The following FOXN3 variants were observed in gnomAD, a reference collection of about 807,000 sequenced individuals.
FOXN3 encodes forkhead box N3.
In FOXN3, 7 loss-of-function variants were observed where a neutral mutation model predicts 38.4. That is an observed-to-expected ratio of 0.18 (90% CI 0.10 to 0.34). FOXN3 has a LOEUF of 0.34. FOXN3 is among the 10% of genes least tolerant of loss of function. The pLI is 1.00. For missense variants in FOXN3, 456 were observed against 613.4 expected, an observed-to-expected ratio of 0.74 and a Z score of 2.71; for synonymous variants, 230 against 242.2, an observed-to-expected ratio of 0.95 and a Z score of 0.47.
In FOXN3 at chr14:89,216,847, G is replaced by A. The variant is rs140403858; in HGVS notation, c.746-36041C>T. Among the ~76,000 whole-genome samples the A allele has an allele frequency of 3.8e-3, 582 of 152,200 alleles. 3 individuals carry two copies. The highest frequency in any genetic ancestry group is 0.013 in the African/African-American group (528 of 41,526). On this transcript the variant is annotated intron_variant, in intron 4 of 5. Coordinates refer to ENST00000557258, the MANE Select transcript of FOXN3 (RefSeq NM_005197.4). ...CACAATCCTCATTGTTCCCTGCTGCGTGTGGCTGTCATCAAAACCTTCCAC... is the reference window on the plus strand; with the variant it reads ...CACAATCCTCATTGTTCCCTGCTGCATGTGGCTGTCATCAAAACCTTCCAC...
intron 4 of FOXN3, among the ~76,000 whole-genome samples, chr14:89,221,962 A>G (rs1218991217): frequency 6.6e-6 from 1 of 152,030 alleles, no homozygotes; most frequent in Non-Finnish European, 1.5e-5. Flanking sequence ...AGCTGGGACT[A>G]CAGGCGCCCG....
chr14:89,378,448 C>A (rs977175633), intron 2 of FOXN3, among the ~76,000 whole-genome samples: 3 of 152,198 alleles, frequency 2.0e-5, no homozygotes, highest in African/African-American at 7.2e-5. Flanking sequence ...ATGCTTAAAA[C>A]GCCCAAGTCT....
At chr14:89,374,803 C>A (rs1348162247) in intron 2 of FOXN3, among the ~76,000 whole-genome samples, 1 of 151,336 alleles carries the variant, frequency 6.6e-6, no homozygotes, top group Non-Finnish European at 1.5e-5. Context: ...AACCCCATGT[C>A]TACTATAAAT....
rs112139394 is a variant in FOXN3 at position 89,355,519 on chromosome 14, G to A, written c.544-4711C>T. 9.9e-3 allele frequency among the ~76,000 whole-genome samples: 1,503 copies of A among 152,232 alleles called. 21 individuals carry two copies. The highest frequency in any genetic ancestry group is 0.034 in the African/African-American group (1,431 of 41,520). ...CCCAAAGTGCTGGAAATACAGGCAT[G>A]AGCCACTACGCCCAGCCTATACTTT... On this transcript the variant is annotated intron_variant, in intron 2 of 5. Transcript: ENST00000557258.
intron 3 of FOXN3, among the ~76,000 whole-genome samples, chr14:89,304,944 T>TAAA (rs200830937): frequency 1.1e-4 from 15 of 133,596 alleles, no homozygotes; most frequent in African/African-American, 1.9e-4. Flanking sequence ...TGTAGTTTCT[T>TAAA]AAAAAAAAAA....
At chr14:89,587,867 G>GAAAAAAAAAAAAAAAAAAAAAAAAA (rs11366681) in intron 1 of FOXN3, among the ~76,000 whole-genome samples, 2 of 64,638 alleles carry the variant, frequency 3.1e-5, no homozygotes. Context: ...CTCTGTCTCA[G>GAAAAAAAAAAAAAAAAAAAAAAAAA]AAAAAAAAAA....
intron 1 of FOXN3, among the ~76,000 whole-genome samples, chr14:89,562,569 T>A (rs1895271988): frequency 6.6e-6 from 1 of 152,060 alleles, no homozygotes; most frequent in African/African-American, 2.4e-5. Flanking sequence ...CTATCCACTA[T>A]TATTTACATA....
intron 3 of FOXN3, among the ~76,000 whole-genome samples, chr14:89,349,005 G>A (rs963785956): frequency 1.3e-5 from 2 of 152,168 alleles, no homozygotes; most frequent in African/African-American, 4.8e-5. Flanking sequence ...TAGAAGCAAA[G>A]GGAGATGAAA....
chr14:89,498,885 C>T (rs1488754406), intron 1 of FOXN3, among the ~76,000 whole-genome samples: 3 of 152,100 alleles, frequency 2.0e-5, no homozygotes, highest in East Asian at 1.9e-4. Context: ...AATGATTGGA[C>T]GCTTTGCGAT....
intron 1 of FOXN3, among the ~76,000 whole-genome samples, chr14:89,550,747 C>A (rs1040961547): frequency 6.6e-6 from 1 of 152,192 alleles, no homozygotes; most frequent in Non-Finnish European, 1.5e-5. Context: ...CTGCTTCATG[C>A]AAACACAGAA....
intron 3 of FOXN3, among the ~76,000 whole-genome samples, chr14:89,346,668 C>T (rs1888766945): frequency 6.6e-6 from 1 of 152,190 alleles, no homozygotes; most frequent in South Asian, 2.1e-4. Flanking sequence ...GGTTTGTCCA[C>T]TCCAAACTCC....
intron 1 of FOXN3, among the ~76,000 whole-genome samples, chr14:89,422,752 A>G (rs1891941648): frequency 6.6e-6 from 1 of 152,156 alleles, no homozygotes; most frequent in African/African-American, 2.4e-5. Context: ...TACTTGACAG[A>G]TTCTGAAGGG....
chr14:89,555,870 T>TGTGTGTGGGG (rs1298517411), intron 1 of FOXN3, among the ~76,000 whole-genome samples: 1 of 117,402 alleles, frequency 8.5e-6, no homozygotes, highest in Non-Finnish European at 1.8e-5. Context: ...TGTGTGTGTG[T>TGTGTGTGGGG]GTGTGTATGT....
intron 3 of FOXN3, among the ~76,000 whole-genome samples, chr14:89,301,636 C>A (rs1342864623): frequency 6.6e-6 from 1 of 152,028 alleles, no homozygotes; most frequent in African/African-American, 2.4e-5. Flanking sequence ...GGTGCAGTGG[C>A]AGGCTCCTGT....
At chr14:89,609,826 G>A (rs1450937703) in intron 1 of FOXN3, among the ~76,000 whole-genome samples, 1 of 152,062 alleles carries the variant, frequency 6.6e-6, no homozygotes, top group Non-Finnish European at 1.5e-5. Context: ...ATGAACAGGA[G>A]GTGGATTTTA....
chr14:89,549,833 A>T (rs1450552206), intron 1 of FOXN3, among the ~76,000 whole-genome samples: 1 of 152,172 alleles, frequency 6.6e-6, no homozygotes, highest in African/African-American at 2.4e-5. Flanking sequence ...TGTTACAAAT[A>T]TGCTTGTATT....
chr14:89,447,712 A>G (rs1436045751), intron 1 of FOXN3, among the ~76,000 whole-genome samples: 1 of 152,042 alleles, frequency 6.6e-6, no homozygotes, highest in East Asian at 1.9e-4. Context: ...GACCCACACC[A>G]AATCTGGGTC....
chr14:89,272,042 G>A (rs1030477530), intron 4 of FOXN3, among the ~76,000 whole-genome samples: 4 of 152,210 alleles, frequency 2.6e-5, no homozygotes, highest in Non-Finnish European at 5.9e-5. Flanking sequence ...AGGTGCAGTG[G>A]CTCATGCCTG....
chr14:89,331,867 T>TA (rs35258165), intron 3 of FOXN3, among the ~76,000 whole-genome samples: 27,567 of 152,194 alleles, frequency 0.18, 2,843 homozygotes, highest in South Asian at 0.3. Flanking sequence ...CATAACCCAT[T>TA]ACGGAGTGGT....
Sources: allele counts gnomAD v4.1 joint callset (sites outside exome capture counted in the v4.1 genomes callset), GRCh38; gene constraint gnomAD v4.1.1; transcripts MANE v1.5; gene names NCBI Gene and HGNC (gene_info 2026-07-23, HGNC 2026-07-21).